The following XRN2 variants were observed in gnomAD, a reference collection of about 807,000 sequenced individuals.
XRN2 encodes 5'-3' exoribonuclease 2.
In XRN2, 44 loss-of-function variants were observed where a neutral mutation model predicts 138.5. That is an observed-to-expected ratio of 0.32 (90% CI 0.25 to 0.41). The LOEUF is 0.41. Ranked by LOEUF, XRN2 falls within the 10% of genes least tolerant of loss-of-function variation. The pLI is 1.00. For missense variants in XRN2, 937 were observed against 1,169.3 expected, an observed-to-expected ratio of 0.80 and a Z score of 2.90; for synonymous variants, 354 against 369.4, an observed-to-expected ratio of 0.96 and a Z score of 0.48.
chr20:21,316,450 G>C (rs2037960352), intron 1 of XRN2, among the ~76,000 whole-genome samples: 1 of 152,094 alleles, frequency 6.6e-6, no homozygotes, highest in Admixed American at 6.5e-5. Context: ...GATCCATTTT[G>C]AGTTGTTTGG....
intron 1 of XRN2, among the ~76,000 whole-genome samples, chr20:21,324,852 T>C (rs991360757): frequency 6.6e-6 from 1 of 152,194 alleles, no homozygotes; most frequent in African/African-American, 2.4e-5. Context: ...TATCATGAAA[T>C]TGACCTGCTG....
chr20:21,356,003 T>G, intron 21 of XRN2, 77 bp from the exon 22 acceptor site: 1 of 966,354 alleles, frequency 1.0e-6, no homozygotes, highest in Non-Finnish European at 1.5e-6. Flanking sequence ...TGCTTTCCCT[T>G]GTTTTATGCT....
At chr20:21,310,906 G>T (rs1031046933) in intron 1 of XRN2, among the ~76,000 whole-genome samples, 1 of 151,704 alleles carries the variant, frequency 6.6e-6, no homozygotes, top group East Asian at 1.9e-4. Flanking sequence ...CACCACGCCC[G>T]GCAAATTTTT....
chr20:21,386,921 A>AT lies in XRN2; in HGVS notation c.2703dup (p.Ala902CysfsTer23). 2 of 1,614,036 alleles carry AT rather than the reference A, an allele frequency of 1.2e-6. No individual in the cohort carries two copies. Among genetic ancestry groups the AT allele is most frequent in the Non-Finnish European group, 1.7e-6 (2 of 1,179,896 alleles). ...TGGAACCGGATGCTGCAAACCCAGA[A>AT]TGCAGCCTTCCAGCCAAACCAGTAC... On this transcript the variant is annotated frameshift_variant, in exon 29 of 30. Transcript: ENST00000377191. LOFTEE classifies it high-confidence loss of function.
At chr20:21,368,437 T>C in intron 26 of XRN2, 26 bp from the exon 27 acceptor site, 1 of 1,612,002 alleles carries the variant, frequency 6.2e-7, no homozygotes, top group Non-Finnish European at 8.5e-7. Context: ...TACAATTTTT[T>C]TTTCTTGTGT....
intron 17 of XRN2, among the ~76,000 whole-genome samples, chr20:21,347,440 G>A (rs2038450200): frequency 6.6e-6 from 1 of 152,128 alleles, no homozygotes; most frequent in Admixed American, 6.5e-5. Context: ...GTTAAATTTG[G>A]TGTGACCTGG....
At chr20:21,304,853 T>C (rs920553566) in intron 1 of XRN2, among the ~76,000 whole-genome samples, 6 of 152,252 alleles carry the variant, frequency 3.9e-5, no homozygotes, top group South Asian at 2.1e-4. Context: ...GTTTGTCAGC[T>C]GTACTTTTGC....
chr20:21,368,656 ATCT>A (rs1163010718), intron 27 of XRN2, 66 bp downstream of exon 27: 12 of 1,586,166 alleles, frequency 7.6e-6, no homozygotes, highest in Admixed American at 3.5e-5. Context: ...TTGGTTTCTA[ATCT>A]TCTTTGCTGA....
intron 13 of XRN2, among the ~76,000 whole-genome samples, chr20:21,334,609 T>C (rs916412241): frequency 6.6e-6 from 1 of 152,182 alleles, no homozygotes; most frequent in Non-Finnish European, 1.5e-5. Flanking sequence ...GTTGGGAGAA[T>C]GTAGGATCTG....
chr20:21,369,078 G>A (rs185679971), intron 27 of XRN2, among the ~76,000 whole-genome samples: 191 of 151,720 alleles, frequency 1.3e-3, no homozygotes, highest in South Asian at 9.2e-3. Context: ...ACCCTTCCCA[G>A]CCTCTGGTAA....
intron 15 of XRN2, among the ~76,000 whole-genome samples, chr20:21,341,059 G>C (rs1368089220): frequency 1.3e-5 from 2 of 149,262 alleles, no homozygotes; most frequent in African/African-American, 4.9e-5. Flanking sequence ...GAGCACGTAG[G>C]ATTGTTGATA....
chr20:21,324,425 T>G (rs1042971643), intron 1 of XRN2, among the ~76,000 whole-genome samples: 1 of 152,198 alleles, frequency 6.6e-6, no homozygotes. Context: ...TGCATATGTA[T>G]TCGTCCCTGA....
At chr20:21,356,490 C>A in intron 22 of XRN2, 96 bp from the exon 23 acceptor site, 1 of 1,092,052 alleles carries the variant, frequency 9.2e-7, no homozygotes, top group South Asian at 1.5e-5. Context: ...TGCCTTTTGG[C>A]TCTTATGAAT....
At chr20:21,354,244 T>A (rs1179952003) in intron 20 of XRN2, among the ~76,000 whole-genome samples, 1 of 152,148 alleles carries the variant, frequency 6.6e-6, no homozygotes, top group African/African-American at 2.4e-5. Flanking sequence ...GTCTTTAAAA[T>A]TTTTTTGTAT....
At chr20:21,322,536 T>C (rs897229721) in intron 1 of XRN2, among the ~76,000 whole-genome samples, 3 of 152,162 alleles carry the variant, frequency 2.0e-5, no homozygotes, top group Admixed American at 2.0e-4. Context: ...ATTCATGGTT[T>C]TTCTAATGTT....
chr20:21,383,471 T>G (rs2122365508), intron 28 of XRN2, among the ~76,000 whole-genome samples: 1 of 152,342 alleles, frequency 6.6e-6, no homozygotes, highest in Admixed American at 6.5e-5. Flanking sequence ...GCTGTTATGT[T>G]TACATTTTTG....
Position 21,365,406 on chromosome 20 carries a change from C to T in XRN2, c.2256-15C>T, listed in dbSNP as rs761929436. The T allele has an allele frequency of 3.7e-6, 6 of 1,610,080 alleles. No homozygotes were observed. Among genetic ancestry groups the T allele is most frequent in the Non-Finnish European group, 5.1e-6 (6 of 1,178,068 alleles). ...ATATAATCAGATCATTGAATTGTTT[C>T]TTGTTCTTTTCCAGTATTAATTTTA... is the stretch of plus-strand genomic sequence containing the variant. On this transcript the variant is annotated splice_polypyrimidine_tract_variant and intron_variant, in intron 24 of 29. Transcript: ENST00000377191.
intron 28 of XRN2, among the ~76,000 whole-genome samples, chr20:21,384,929 T>C (rs934733009): frequency 1.3e-5 from 2 of 152,226 alleles, no homozygotes; most frequent in Admixed American, 6.5e-5. Flanking sequence ...TGTGATAAAC[T>C]TGTTGAAAAT....
At chr20:21,386,292 T>G (rs2038935469) in intron 28 of XRN2, among the ~76,000 whole-genome samples, 2 of 152,208 alleles carry the variant, frequency 1.3e-5, no homozygotes, top group South Asian at 4.1e-4. Flanking sequence ...CGTGGTCAAT[T>G]GAAAGCTGCA....
Sources: allele counts gnomAD v4.1 joint callset (sites outside exome capture counted in the v4.1 genomes callset), GRCh38; gene constraint gnomAD v4.1.1; transcripts MANE v1.5; gene names NCBI Gene and HGNC (gene_info 2026-07-23, HGNC 2026-07-21).